Variants in RBFOX1 observed in about 807,000 individuals in gnomAD.
The protein encoded by RBFOX1 is RNA binding fox-1 homolog 1.
RBFOX1 carries 8 observed loss-of-function variants against 57.7 expected under a neutral mutation model. The ratio of observed to expected loss-of-function variants is 0.14; its 90% CI spans 0.08 to 0.25. The LOEUF is 0.25. Among genes scored for constraint, RBFOX1 ranks in the 10% least tolerant of loss-of-function variants. The pLI is 1.00. For synonymous variants in RBFOX1, 326 were observed against 222.4 expected (o/e 1.47, Z -4.15); for missense variants, 611 against 548.5 (o/e 1.11, Z -1.14).
chr16:6,447,530 G>A (rs1426150200), intron 2 of RBFOX1, among the ~76,000 whole-genome samples: 1 of 152,182 alleles, frequency 6.6e-6, no homozygotes, highest in Admixed American at 6.5e-5. Context: ...GATGCTTGGC[G>A]GAGGTTGTCT....
intron 4 of RBFOX1, among the ~76,000 whole-genome samples, chr16:7,153,290 T>C (rs1185536551): frequency 2.0e-5 from 3 of 152,310 alleles, no homozygotes; most frequent in African/African-American, 7.2e-5. Context: ...TCCTGAACTT[T>C]TTCATGTTTA....
Position 6,056,094 on chromosome 16 carries a change from T to C in RBFOX1, c.-127+36102T>C, listed in dbSNP as rs547422067. Among the ~76,000 whole-genome samples the C allele has an allele frequency of 6.6e-5, 10 of 152,294 alleles. No individual in the cohort carries two copies. In the East Asian group the frequency reaches 1.7e-3, roughly 26 times the overall value. On this transcript the variant is annotated intron_variant, in intron 1 of 15. Coordinates refer to ENST00000550418, the MANE Select transcript of RBFOX1 (RefSeq NM_018723.4). ...TAGTTTGGGTGGAGCTAAACAAATCTAAGTGATGCCAGTATAAACGGCGGG... is the reference window on the plus strand; with the variant it reads ...TAGTTTGGGTGGAGCTAAACAAATCCAAGTGATGCCAGTATAAACGGCGGG...
intron 4 of RBFOX1, among the ~76,000 whole-genome samples, chr16:7,372,288 C>T (rs148539947): frequency 7.0e-4 from 107 of 152,260 alleles, no homozygotes; most frequent in African/African-American, 2.4e-3. Flanking sequence ...CCCATGAGAG[C>T]GGGATCATGT....
chr16:7,357,262 A>T (rs926142024), intron 4 of RBFOX1, among the ~76,000 whole-genome samples: 2 of 151,582 alleles, frequency 1.3e-5, no homozygotes, highest in African/African-American at 4.9e-5. Context: ...TCTTGGATGG[A>T]GGATATCAGT....
intron 4 of RBFOX1, among the ~76,000 whole-genome samples, chr16:7,504,792 T>C (rs2072622946): frequency 3.8e-5 from 1 of 26,400 alleles, no homozygotes; most frequent in South Asian, 1.6e-3. Context: ...TATATTTATA[T>C]ATATATATAT....
At chr16:7,440,878 A>C (rs1419805143) in intron 4 of RBFOX1, among the ~76,000 whole-genome samples, 1 of 152,146 alleles carries the variant, frequency 6.6e-6, no homozygotes, top group Non-Finnish European at 1.5e-5. Context: ...CTTCTGATAT[A>C]GTACAGCTCA....
intron 13 of RBFOX1, among the ~76,000 whole-genome samples, chr16:7,673,903 T>C (rs2072430221): frequency 1.3e-5 from 2 of 152,120 alleles, no homozygotes; most frequent in Non-Finnish European, 2.9e-5. Context: ...GAAGACCAGG[T>C]TCAACATGAA....
intron 3 of RBFOX1, among the ~76,000 whole-genome samples, chr16:5,666,122 TC>T (rs2049836163): frequency 6.6e-6 from 1 of 152,210 alleles, no homozygotes; most frequent in Non-Finnish European, 1.5e-5. Context: ...AGGGGCCGGT[TC>T]CGTTTGCCTG....
rs112125351 is a variant in RBFOX1, at chr16:5,725,355, T to A, written c.318+126394T>A. On this transcript the variant is annotated intron_variant, in intron 3 of 19. Coordinates refer to the RBFOX1 transcript ENST00000641259. ...AACTCTTTGGCTCAAGGGGTCCTCC[T>A]GCCTCAGCTTCCTGAGTAACTGGAA... Among the ~76,000 whole-genome samples the A allele has an allele frequency of 3.9e-3, 593 of 152,308 alleles. 4 individuals carry two copies. Among genetic ancestry groups the A allele is most frequent in the African/African-American group, 0.012 (504 of 41,570 alleles).
rs143575821 is a variant in RBFOX1, at chr16:6,703,068, T to A, written c.-16+48418T>A. ...ATCTCACTTGCCTCAAGGTTTATGT[T>A]GTAGTGTGTTATTCTTATTTCCTTC... is the stretch of plus-strand genomic sequence containing the variant. On this transcript the variant is annotated intron_variant, in intron 3 of 15. Coordinates refer to ENST00000550418, the MANE Select transcript of RBFOX1 (RefSeq NM_018723.4). Among the ~76,000 whole-genome samples, 1,017 of 152,316 alleles carry A rather than the reference T, an allele frequency of 6.7e-3. 9 individuals carry two copies. The highest frequency in any genetic ancestry group is 0.012 in the Non-Finnish European group (819 of 68,016).
At chr16:5,723,816 C>A (rs558208732) in intron 3 of RBFOX1, among the ~76,000 whole-genome samples, 1 of 152,324 alleles carries the variant, frequency 6.6e-6, no homozygotes, top group East Asian at 1.9e-4. Flanking sequence ...CATGGACTGC[C>A]CTAGTCAGAA....
At chr16:7,027,482 C>G (rs916819617) in intron 3 of RBFOX1, among the ~76,000 whole-genome samples, 2 of 151,372 alleles carry the variant, frequency 1.3e-5, no homozygotes, top group East Asian at 2.0e-4. Flanking sequence ...TGCCCAAGGT[C>G]AGGCAGAGCC....
rs73500306 is a variant in RBFOX1 at position 7,462,778 on chromosome 16, C to T, written c.28-55369C>T. Among the ~76,000 whole-genome samples, 1,258 of 152,300 alleles carry T rather than the reference C, an allele frequency of 8.3e-3. 13 individuals are homozygous for T. Among genetic ancestry groups the T allele is most frequent in the African/African-American group, 0.028 (1,159 of 41,560 alleles). ...ATAGCCCTGGCCTTCAGAAGCTGCC[C>T]GTATTCCTTCTCCTGCTGTCCAGCG... On this transcript the variant is annotated intron_variant, in intron 4 of 15. Transcript: ENST00000550418.
At chr16:6,622,869 C>G (rs1202180342) in intron 2 of RBFOX1, among the ~76,000 whole-genome samples, 5 of 152,140 alleles carry the variant, frequency 3.3e-5, no homozygotes, top group Admixed American at 3.3e-4. Context: ...TTGTTTTTAT[C>G]CACATGTTGT....
intron 3 of RBFOX1, among the ~76,000 whole-genome samples, chr16:5,691,148 C>G (rs556389307): frequency 8.3e-4 from 126 of 152,264 alleles, no homozygotes; most frequent in Non-Finnish European, 1.4e-3. Context: ...TAAGTTTTCC[C>G]TTATGTTTTC....
chr16:7,577,731 C>G (rs1356787372), intron 5 of RBFOX1, among the ~76,000 whole-genome samples: 1 of 152,166 alleles, frequency 6.6e-6, no homozygotes, highest in Non-Finnish European at 1.5e-5. Flanking sequence ...TAGTGTGACC[C>G]AGGCTCTGCA....
intron 3 of RBFOX1, among the ~76,000 whole-genome samples, chr16:6,837,498 C>G (rs941513310): frequency 3.3e-5 from 5 of 152,164 alleles, no homozygotes; most frequent in Non-Finnish European, 7.3e-5. Flanking sequence ...ATGAACATAA[C>G]CATGTCCTAT....
In RBFOX1 at chr16:6,439,172, G is replaced by A. The variant is rs992900861; in HGVS notation, c.-64+122115G>A. On this transcript the variant is annotated intron_variant, in intron 2 of 15. Coordinates refer to ENST00000550418, the MANE Select transcript of RBFOX1 (RefSeq NM_018723.4). ...CCCCTTGCAGTTTGAAGTTTGTGTT[G>A]TCATGAGGTCAGTTGCATACAGGCA... Among the ~76,000 whole-genome samples the A allele has an allele frequency of 3.9e-5, 6 of 152,286 alleles. 1 individual carries two copies. The Middle Eastern group carries it at 0.01, about 259-fold the overall frequency.
At chr16:7,513,557 TG>T (rs1396506834) in intron 4 of RBFOX1, among the ~76,000 whole-genome samples, 1 of 152,188 alleles carries the variant, frequency 6.6e-6, no homozygotes, top group Non-Finnish European at 1.5e-5. Flanking sequence ...TCGTATACTC[TG>T]TAAGATGTTT....
Sources: allele counts gnomAD v4.1 joint callset (sites outside exome capture counted in the v4.1 genomes callset), GRCh38; gene constraint gnomAD v4.1.1; transcripts MANE v1.5; gene names NCBI Gene and HGNC (gene_info 2026-07-23, HGNC 2026-07-21).